Variants in HS3ST5 observed in about 807,000 individuals in gnomAD.
HS3ST5 encodes the protein heparan sulfate-glucosamine 3-sulfotransferase 5.
HS3ST5 carries 10 observed loss-of-function variants against 25.4 expected under a neutral mutation model. That is an observed-to-expected ratio of 0.39 (90% CI 0.24 to 0.67). The LOEUF (loss-of-function observed/expected upper bound fraction) is 0.67, where lower values mean the gene tolerates loss of function less well. Ranked by LOEUF, HS3ST5 falls within the 30% of genes least tolerant of loss-of-function variation. The probability of loss-of-function intolerance (pLI) is 0.44; values close to 1 mark genes in which losing one functional copy is unlikely to be tolerated. For synonymous variants in HS3ST5, 170 were observed against 162.4 expected (o/e 1.05, Z -0.36); for missense variants, 324 against 420.7 (o/e 0.77, Z 2.01).
chr6:114,077,119 ATTAT>A (rs1774183525), intron 3 of HS3ST5, among the ~76,000 whole-genome samples: 1 of 152,144 alleles, frequency 6.6e-6, no homozygotes, highest in African/African-American at 2.4e-5. Flanking sequence ...ACAGGCATAG[ATTAT>A]TTATCACAGC....
At chr6:114,225,652 C>G (rs1192876790) in intron 2 of HS3ST5, among the ~76,000 whole-genome samples, 2 of 151,864 alleles carry the variant, frequency 1.3e-5, no homozygotes, top group Non-Finnish European at 2.9e-5. Flanking sequence ...CAGTGTGTGT[C>G]CTGTCACATA....
At chr6:114,104,377 G>C (rs1775890658) in intron 3 of HS3ST5, among the ~76,000 whole-genome samples, 1 of 152,266 alleles carries the variant, frequency 6.6e-6, no homozygotes, top group Non-Finnish European at 1.5e-5. Context: ...TATCAGTGGT[G>C]CTTGGTATCT....
chr6:114,177,735 T>C lies in HS3ST5; in HGVS notation c.-144-9273A>G, dbSNP rs541766513. 6.3e-4 allele frequency among the ~76,000 whole-genome samples: 96 copies of C among 152,328 alleles called. 2 individuals are homozygous for C. The highest frequency in any genetic ancestry group is 6.8e-3 in the Middle Eastern group (2 of 292). ...AGAATTTCCTTTTGTAAGAGTTTGTTTGTTATTTGAAAGGCTATATTTATT... is the reference window on the plus strand; with the variant it reads ...AGAATTTCCTTTTGTAAGAGTTTGTCTGTTATTTGAAAGGCTATATTTATT... On this transcript the variant is annotated intron_variant, in intron 2 of 4. Transcript: ENST00000312719.
At chr6:114,205,718 G>C (rs114386466) in intron 2 of HS3ST5, among the ~76,000 whole-genome samples, 1 of 152,028 alleles carries the variant, frequency 6.6e-6, no homozygotes, top group Admixed American at 6.6e-5. Context: ...TTATGGACTC[G>C]GGGTAGTGGT....
intron 3 of HS3ST5, among the ~76,000 whole-genome samples, chr6:114,136,483 T>C (rs950064405): frequency 4.6e-5 from 7 of 152,188 alleles, no homozygotes; most frequent in Non-Finnish European, 1.0e-4. Flanking sequence ...AATTACCCAG[T>C]CTCGGATATA....
intron 1 of HS3ST5, among the ~76,000 whole-genome samples, chr6:114,254,708 T>C (rs1772823200): frequency 6.6e-6 from 1 of 152,074 alleles, no homozygotes; most frequent in African/African-American, 2.4e-5. Context: ...TACATGGCAA[T>C]GGGCAAGAGA....
chr6:114,095,737 C>T (rs1015754239), intron 3 of HS3ST5, among the ~76,000 whole-genome samples: 41 of 152,232 alleles, frequency 2.7e-4, no homozygotes, highest in African/African-American at 9.9e-4. Flanking sequence ...TTTATCCTCA[C>T]GTCTATTCCC....
At chr6:114,321,850 A>G (rs996518157) in intron 1 of HS3ST5, among the ~76,000 whole-genome samples, 3 of 152,156 alleles carry the variant, frequency 2.0e-5, no homozygotes, top group East Asian at 1.9e-4. Flanking sequence ...AAGGTAAAGA[A>G]AAAACAGGCT....
intron 3 of HS3ST5, among the ~76,000 whole-genome samples, chr6:114,118,701 G>A (rs13203419): frequency 0.25 from 37,995 of 152,124 alleles, 4,853 homozygotes; most frequent in African/African-American, 0.29. Context: ...TTCACAAGAT[G>A]TTTACAGTTC....
At chr6:114,215,745 T>A (rs1781729425) in intron 2 of HS3ST5, among the ~76,000 whole-genome samples, 1 of 152,180 alleles carries the variant, frequency 6.6e-6, no homozygotes. Context: ...TGTGTTTAGT[T>A]ATTTCACATT....
intron 3 of HS3ST5, among the ~76,000 whole-genome samples, chr6:114,103,097 T>C (rs997027198): frequency 5.4e-4 from 82 of 152,340 alleles, no homozygotes; most frequent in African/African-American, 1.8e-3. Flanking sequence ...TTCTGTTTCT[T>C]ACCCTGTTCA....
chr6:114,112,384 G>C (rs1452040857), intron 3 of HS3ST5: 1 of 152,270 alleles, frequency 6.6e-6, no homozygotes, highest in Non-Finnish European at 1.5e-5. Context: ...AGCTGGAAAA[G>C]GCAAAGAAAT....
intron 3 of HS3ST5, chr6:114,084,780 C>T (rs1179900131): frequency 1.3e-6 from 1 of 750,886 alleles, no homozygotes; most frequent in Non-Finnish European, 2.4e-6. Flanking sequence ...GTGGCAGCAG[C>T]AAACTTAAGC....
intron 1 of HS3ST5, among the ~76,000 whole-genome samples, chr6:114,311,539 CTTTTTTTTTT>C (rs11463610): frequency 4.7e-5 from 4 of 84,880 alleles, no homozygotes; most frequent in African/African-American, 9.3e-5. Flanking sequence ...TTCTCTCTCT[CTTTTTTTTTT>C]TTTTTTTTTT....
At chr6:114,128,349 A>C (rs541633013) in intron 3 of HS3ST5, among the ~76,000 whole-genome samples, 1 of 152,154 alleles carries the variant, frequency 6.6e-6, no homozygotes, top group African/African-American at 2.4e-5. Context: ...AAATTGCACC[A>C]AAAAAAAGTG....
At chr6:114,289,599 A>T (rs943347894) in intron 1 of HS3ST5, among the ~76,000 whole-genome samples, 4 of 152,118 alleles carry the variant, frequency 2.6e-5, no homozygotes, top group African/African-American at 9.7e-5. Context: ...ATCACAGATG[A>T]TAAAACCTTC....
At chr6:114,185,697 T>C (rs903681786) in intron 2 of HS3ST5, among the ~76,000 whole-genome samples, 1 of 152,120 alleles carries the variant, frequency 6.6e-6, no homozygotes, top group African/African-American at 2.4e-5. Context: ...GCTTTTTCAT[T>C]ATTAATATAT....
At chr6:114,110,914 G>A (rs1018097761) in intron 3 of HS3ST5, among the ~76,000 whole-genome samples, 1 of 152,002 alleles carries the variant, frequency 6.6e-6, no homozygotes, top group African/African-American at 2.4e-5. Flanking sequence ...AAAAAGCATA[G>A]GGCAATTTCC....
Position 114,057,520 on chromosome 6 carries a change from T to C in HS3ST5, c.778A>G (p.Thr260Ala), listed in dbSNP as rs1772836528. 1.9e-6 allele frequency: 3 copies of C among 1,614,242 alleles called. No individual in the cohort carries two copies. Among genetic ancestry groups the C allele is most frequent in the Non-Finnish European group, 1.7e-6 (2 of 1,180,042 alleles). ...FHVVDGDRLI[T>A]EPLPELQLVE... Reference sequence around the variant, plus strand: ...AGCTGAAGTTCTGGCAGAGGTTCCGTGATGAGGCGATCTCCATCGACGACA... The same window carrying C: ...AGCTGAAGTTCTGGCAGAGGTTCCGCGATGAGGCGATCTCCATCGACGACA... The change falls in exon 5 of 5, where the codon ACG becomes GCG. Residue 260 changes from threonine (T) to alanine (A), a missense_variant. Transcript: ENST00000312719.
Sources: gnomAD v4.1 joint callset for allele counts (sites outside exome capture counted in the v4.1 genomes callset) on GRCh38, gnomAD v4.1.1 for gene constraint, MANE v1.5 for transcripts, NCBI Gene and HGNC (gene_info 2026-07-23, HGNC 2026-07-21) for gene names.